NRXN3: variants seen among roughly 807,000 people sequenced by gnomAD.
NRXN3 encodes neurexin 3.
A neutral mutation model predicts 137.6 loss-of-function variants in NRXN3; 32 were observed. The observed-to-expected ratio is 0.23, with a 90% CI of 0.18 to 0.31. NRXN3 has a LOEUF of 0.31. NRXN3 is among the 10% of genes least tolerant of loss of function. The pLI, the probability that NRXN3 is intolerant of heterozygous loss-of-function variation, is 1.00. For synonymous variants in NRXN3, 798 were observed against 784.5 expected (o/e 1.02, Z -0.29); for missense variants, 1,574 against 2,062.5 (o/e 0.76, Z 4.59).
At chr14:78,783,656 A>G (rs1467257041) in intron 8 of NRXN3, among the ~76,000 whole-genome samples, 2 of 152,226 alleles carry the variant, frequency 1.3e-5, no homozygotes, top group Non-Finnish European at 2.9e-5. Flanking sequence ...TTCTATAAGT[A>G]TGTAAGTTTG....
At chr14:79,597,720 C>T (rs1259811261) in intron 16 of NRXN3, among the ~76,000 whole-genome samples, 1 of 152,098 alleles carries the variant, frequency 6.6e-6, no homozygotes, top group Non-Finnish European at 1.5e-5. Context: ...TGGAGGTCAG[C>T]GTGATCCTTT....
At chr14:78,220,742 A>G (rs1735614082) in intron 1 of NRXN3, among the ~76,000 whole-genome samples, 1 of 152,084 alleles carries the variant, frequency 6.6e-6, no homozygotes, top group Admixed American at 6.6e-5. Flanking sequence ...GGCTTGGAGA[A>G]AGAGCACTGG....
At chr14:78,801,805 T>C (rs1595987877) in intron 8 of NRXN3, among the ~76,000 whole-genome samples, 1 of 152,164 alleles carries the variant, frequency 6.6e-6, no homozygotes, top group Non-Finnish European at 1.5e-5. Flanking sequence ...ACCCTACCCA[T>C]CTACCAAGAC....
chr14:78,675,404 A>G (rs1293707475), intron 6 of NRXN3, among the ~76,000 whole-genome samples: 1 of 152,208 alleles, frequency 6.6e-6, no homozygotes. Context: ...GAAAGGAGTC[A>G]AAGGAAGAAG....
At chr14:78,388,391 A>G (rs2090289088) in intron 4 of NRXN3, among the ~76,000 whole-genome samples, 1 of 152,220 alleles carries the variant, frequency 6.6e-6, no homozygotes, top group African/African-American at 2.4e-5. Context: ...AACTACTGAT[A>G]AGGAAATTTT....
At chr14:78,536,854 G>C (rs549893295) in intron 4 of NRXN3, among the ~76,000 whole-genome samples, 6 of 151,252 alleles carry the variant, frequency 4.0e-5, no homozygotes, top group Non-Finnish European at 7.4e-5. Context: ...AGAACATGCA[G>C]TGTTTGGTTT....
At chr14:78,302,164 A>AGTCTCT (rs1186304126) in intron 4 of NRXN3, among the ~76,000 whole-genome samples, 1 of 152,126 alleles carries the variant, frequency 6.6e-6, no homozygotes, top group Non-Finnish European at 1.5e-5. Context: ...CATTAGATTC[A>AGTCTCT]GTCTCTGTCT....
chr14:79,656,438 G>C (rs553193990), intron 16 of NRXN3, among the ~76,000 whole-genome samples: 1 of 152,290 alleles, frequency 6.6e-6, no homozygotes, highest in African/African-American at 2.4e-5. Flanking sequence ...TGGATGTTCC[G>C]AGTAGATTTG....
At chr14:79,223,447 TC>T (rs2070186111) in intron 15 of NRXN3, among the ~76,000 whole-genome samples, 1 of 152,176 alleles carries the variant, frequency 6.6e-6, no homozygotes, top group Non-Finnish European at 1.5e-5. Context: ...CTCTCATTTT[TC>T]CTTTTAGAAA....
At chr14:78,738,563 G>A (rs2098550977) in intron 8 of NRXN3, among the ~76,000 whole-genome samples, 1 of 152,146 alleles carries the variant, frequency 6.6e-6, no homozygotes, top group South Asian at 2.1e-4. Context: ...AGAGCTTTAT[G>A]TCATCAGCCA....
At chr14:78,389,393 G>A (rs78428871) in intron 4 of NRXN3, among the ~76,000 whole-genome samples, 4,806 of 152,188 alleles carry the variant, frequency 0.032, 100 homozygotes, top group Middle Eastern at 0.071. Context: ...TGCCTTCCAG[G>A]GAAGTTACAG....
chr14:78,733,555 A>G (rs1595313787), intron 8 of NRXN3, among the ~76,000 whole-genome samples: 1 of 152,162 alleles, frequency 6.6e-6, no homozygotes, highest in Non-Finnish European at 1.5e-5. Flanking sequence ...TAACAAGGAG[A>G]CTAACTAAAT....
chr14:79,329,065 C>T (rs1005391853), intron 15 of NRXN3, among the ~76,000 whole-genome samples: 2 of 152,164 alleles, frequency 1.3e-5, no homozygotes, highest in African/African-American at 2.4e-5. Flanking sequence ...AGAATGCCAT[C>T]GTTTTCTTTC....
intron 6 of NRXN3, among the ~76,000 whole-genome samples, chr14:78,682,727 G>A (rs2098088375): frequency 6.6e-6 from 1 of 152,054 alleles, no homozygotes; most frequent in African/African-American, 2.4e-5. Context: ...GAATTGGGGT[G>A]GGGCTTGTTG....
intron 16 of NRXN3, among the ~76,000 whole-genome samples, chr14:79,535,308 G>T (rs1166353875): frequency 6.6e-6 from 1 of 152,142 alleles, no homozygotes; most frequent in Admixed American, 6.5e-5. Context: ...AGTTCATTAT[G>T]CTCGCTGACT....
chr14:78,621,329 T>G (rs2097401922), intron 4 of NRXN3, among the ~76,000 whole-genome samples: 1 of 152,212 alleles, frequency 6.6e-6, no homozygotes. Flanking sequence ...CATGTTAAGC[T>G]AAAATTTACC....
chr14:79,693,318 A>T (rs1186975947), intron 18 of NRXN3, among the ~76,000 whole-genome samples: 1 of 152,050 alleles, frequency 6.6e-6, no homozygotes, highest in Non-Finnish European at 1.5e-5. Context: ...AGAGCAAAGG[A>T]CTACTACAGT....
chr14:78,294,851 C>T (rs778231285), intron 3 of NRXN3, among the ~76,000 whole-genome samples: 40 of 152,144 alleles, frequency 2.6e-4, no homozygotes, highest in Non-Finnish European at 4.1e-4. Flanking sequence ...TGCATACCTT[C>T]GCAGCTAGAC....
chr14:78,935,184 A>C (rs2099332474), intron 10 of NRXN3, among the ~76,000 whole-genome samples: 1 of 152,176 alleles, frequency 6.6e-6, no homozygotes, highest in Non-Finnish European at 1.5e-5. Context: ...TCATAGTCTC[A>C]GCTCAGTATG....
Sources: allele counts gnomAD v4.1 joint callset (sites outside exome capture counted in the v4.1 genomes callset), GRCh38; gene constraint gnomAD v4.1.1; transcripts MANE v1.5; gene names NCBI Gene and HGNC (gene_info 2026-07-23, HGNC 2026-07-21).